PTPRD: variants seen among roughly 807,000 people sequenced by gnomAD.
The protein encoded by PTPRD is receptor-type tyrosine-protein phosphatase delta.
Under a neutral mutation model 214.5 loss-of-function variants are expected in PTPRD, and 34 were observed. The observed-to-expected ratio is 0.16, with a 90% confidence interval of 0.12 to 0.21. The LOEUF (loss-of-function observed/expected upper bound fraction) is 0.21, where lower values mean the gene tolerates loss of function less well. PTPRD is among the 10% of genes least tolerant of loss of function. The pLI is 1.00. For synonymous variants in PTPRD, 1,128 were observed against 845.7 expected (o/e 1.33, Z -5.79); for missense variants, 2,545 against 2,398.7 (o/e 1.06, Z -1.27).
At chr9:8,748,317 G>C (rs2093081806) in intron 11 of PTPRD, among the ~76,000 whole-genome samples, 1 of 151,860 alleles carries the variant, frequency 6.6e-6, no homozygotes, top group Non-Finnish European at 1.5e-5. Flanking sequence ...CAACCAATCA[G>C]AGAGCTCACT....
intron 8 of PTPRD, among the ~76,000 whole-genome samples, chr9:9,443,626 A>T (rs905302510): frequency 6.6e-6 from 1 of 152,212 alleles, no homozygotes; most frequent in African/African-American, 2.4e-5. Context: ...TGGAGAAGCC[A>T]TGAGAACACA....
intron 10 of PTPRD, among the ~76,000 whole-genome samples, chr9:9,160,437 C>T (rs965751402): frequency 1.3e-5 from 2 of 152,112 alleles, no homozygotes; most frequent in African/African-American, 2.4e-5. Context: ...AAAAAATGCT[C>T]AGTATCACTA....
At chr9:9,300,655 T>C (rs1595429359) in intron 9 of PTPRD, among the ~76,000 whole-genome samples, 1 of 151,932 alleles carries the variant, frequency 6.6e-6, no homozygotes, top group East Asian at 1.9e-4. Flanking sequence ...CTCTGTCTTC[T>C]GCTGTATGAG....
intron 35 of PTPRD, among the ~76,000 whole-genome samples, chr9:8,414,904 GGAGGGAGGGGGAGAGA>G (rs1473518962): frequency 3.1e-4 from 39 of 125,716 alleles, no homozygotes; most frequent in African/African-American, 9.5e-4. Flanking sequence ...AGAGGGATGG[GGAGGGAGGGGGAGAGA>G]GAGGGAGGGG....
chr9:8,327,628 C>G (rs950423689), intron 44 of PTPRD, among the ~76,000 whole-genome samples: 1 of 152,112 alleles, frequency 6.6e-6, no homozygotes. Context: ...CTAATATTGA[C>G]AGTGGGGTGT....
At chr9:9,374,286 T>G (rs1307378054) in intron 9 of PTPRD, among the ~76,000 whole-genome samples, 1 of 152,116 alleles carries the variant, frequency 6.6e-6, no homozygotes, top group African/African-American at 2.4e-5. Context: ...TCTATATTAG[T>G]TCTATTTAAA....
rs767521821 is a variant in PTPRD, at chr9:8,338,887, C to A, written c.5379+35G>T. ...AGAGGTATCTTAGACTACTTTTCAGCTAATGGTTAAGAGTTGAAGACTGTG... is the reference window on the plus strand; with the variant it reads ...AGAGGTATCTTAGACTACTTTTCAGATAATGGTTAAGAGTTGAAGACTGTG... On this transcript the variant is annotated intron_variant, in intron 43 of 45. Coordinates refer to ENST00000381196, the MANE Select transcript of PTPRD (RefSeq NM_002839.4). The A allele has an allele frequency of 5.8e-6, 8 of 1,368,748 alleles. No homozygotes were observed. The Admixed American group carries it at 1.0e-4, about 17-fold the overall frequency. 84.8% of individuals were successfully genotyped at this position (1,368,748 alleles called of 1,614,324 possible). A position where few individuals can be genotyped will look rare whatever the true frequency, so the allele number is the denominator to read the frequency against.
intron 8 of PTPRD, among the ~76,000 whole-genome samples, chr9:9,522,840 G>A (rs2097019801): frequency 6.6e-6 from 1 of 151,988 alleles, no homozygotes; most frequent in African/African-American, 2.4e-5. Context: ...ATGAATTGAG[G>A]GATTTCTCCA....
intron 11 of PTPRD, among the ~76,000 whole-genome samples, chr9:8,738,211 G>T (rs181122347): frequency 3.3e-5 from 5 of 152,120 alleles, no homozygotes; most frequent in East Asian, 3.9e-4. Flanking sequence ...AACAAAGAGC[G>T]CACTTGCCTA....
chr9:9,440,382 C>G (rs1569568347), intron 8 of PTPRD, among the ~76,000 whole-genome samples: 1 of 151,986 alleles, frequency 6.6e-6, no homozygotes. Flanking sequence ...TTTCATCTAT[C>G]AAATTGTTAA....
intron 14 of PTPRD, among the ~76,000 whole-genome samples, chr9:8,570,799 T>C (rs1470974425): frequency 6.6e-6 from 1 of 152,016 alleles, no homozygotes; most frequent in Non-Finnish European, 1.5e-5. Context: ...TATTCCTCTT[T>C]GTCTGCACAA....
At chr9:10,379,299 A>G (rs1297100926) in intron 2 of PTPRD, among the ~76,000 whole-genome samples, 4 of 151,582 alleles carry the variant, frequency 2.6e-5, no homozygotes, top group Non-Finnish European at 5.9e-5. Flanking sequence ...ATAAGATCAT[A>G]TCATCTACAA....
intron 11 of PTPRD, among the ~76,000 whole-genome samples, chr9:9,012,508 T>C (rs1040593198): frequency 2.0e-5 from 3 of 152,134 alleles, no homozygotes; most frequent in African/African-American, 4.8e-5. Flanking sequence ...GGGAGTTATG[T>C]AGGCAAATTC....
intron 14 of PTPRD, among the ~76,000 whole-genome samples, chr9:8,599,613 C>CCCCCCCCTT (rs2094698008): frequency 2.1e-4 from 11 of 53,412 alleles, no homozygotes; most frequent in Non-Finnish European, 2.9e-4. Context: ...CCCGCCCACC[C>CCCCCCCCTT]TTTTTTTTTT....
chr9:10,195,182 A>C (rs182429068), intron 3 of PTPRD, among the ~76,000 whole-genome samples: 1 of 150,136 alleles, frequency 6.7e-6, no homozygotes, highest in Non-Finnish European at 1.5e-5. Flanking sequence ...CCTTTCAACA[A>C]GCATTTGTAA....
chr9:10,206,013 T>C (rs1227043368), intron 3 of PTPRD, among the ~76,000 whole-genome samples: 2 of 150,024 alleles, frequency 1.3e-5, no homozygotes, highest in South Asian at 2.1e-4. Flanking sequence ...AAATCAACAA[T>C]TCCAATAATA....
chr9:9,425,464 T>A (rs537532124), intron 8 of PTPRD, among the ~76,000 whole-genome samples: 4 of 145,746 alleles, frequency 2.7e-5, no homozygotes, highest in Admixed American at 6.9e-5. Context: ...ATAAAATATA[T>A]AATTATATAT....
intron 2 of PTPRD, among the ~76,000 whole-genome samples, chr9:10,443,653 A>G (rs930194948): frequency 1.3e-5 from 2 of 151,624 alleles, no homozygotes; most frequent in Non-Finnish European, 3.0e-5. Context: ...ACATTCTCAT[A>G]TCAAATAAGA....
At chr9:9,129,219 A>G (rs1422906580) in intron 10 of PTPRD, among the ~76,000 whole-genome samples, 1 of 152,104 alleles carries the variant, frequency 6.6e-6, no homozygotes, top group African/African-American at 2.4e-5. Flanking sequence ...GCAAAAACCC[A>G]TCTCTACTAA....
Sources: allele counts gnomAD v4.1 joint callset (sites outside exome capture counted in the v4.1 genomes callset), GRCh38; gene constraint gnomAD v4.1.1; transcripts MANE v1.5; gene names NCBI Gene and HGNC (gene_info 2026-07-23, HGNC 2026-07-21).